The following ZNF277 variants were observed in gnomAD, a reference collection of about 807,000 sequenced individuals.
The protein encoded by ZNF277 is zinc finger protein 277.
ZNF277 carries 55 observed loss-of-function variants against 60.7 expected under a neutral mutation model. The observed-to-expected ratio is 0.91, with a 90% CI of 0.73 to 1.13. The LOEUF (loss-of-function observed/expected upper bound fraction) is 1.13. Ranked by LOEUF, ZNF277 falls within the 50% of genes most tolerant of loss-of-function variation. The pLI is 0.00. For synonymous variants in ZNF277, 178 were observed against 179.3 expected, an observed-to-expected ratio of 0.99 and a Z score of 0.06; for missense variants, 510 against 523.0, an observed-to-expected ratio of 0.98 and a Z score of 0.24.
intron 1 of ZNF277, among the ~76,000 whole-genome samples, chr7:112,207,436 G>A (rs1183129011): frequency 6.6e-6 from 1 of 152,288 alleles, no homozygotes. Context: ...CAGTCTCTGG[G>A]TCCTTAGAGA....
intron 4 of ZNF277, among the ~76,000 whole-genome samples, chr7:112,313,766 T>C (rs1386797351): frequency 6.6e-6 from 1 of 152,174 alleles, no homozygotes; most frequent in African/African-American, 2.4e-5. Context: ...CATTTTACTT[T>C]ATAAATGAAA....
intron 11 of ZNF277, among the ~76,000 whole-genome samples, chr7:112,341,856 C>G (rs1043028873): frequency 6.6e-6 from 1 of 152,168 alleles, no homozygotes; most frequent in African/African-American, 2.4e-5. Context: ...AGTTTTTCTC[C>G]TTCAGAAAAT....
intron 1 of ZNF277, among the ~76,000 whole-genome samples, 179 bp from the exon 2 acceptor site, chr7:112,286,694 A>G (rs981360971): frequency 1.3e-5 from 2 of 152,152 alleles, no homozygotes; most frequent in African/African-American, 4.8e-5. Flanking sequence ...TGGGCTACAA[A>G]CACTGTTTAA....
At chr7:112,310,778 G>A (rs1046851800) in intron 4 of ZNF277, among the ~76,000 whole-genome samples, 2 of 151,990 alleles carry the variant, frequency 1.3e-5, no homozygotes, top group Admixed American at 6.6e-5. Flanking sequence ...AGTGCCACTG[G>A]ACTCCTAGGC....
At chr7:112,312,192 A>T (rs1405082129) in intron 4 of ZNF277, among the ~76,000 whole-genome samples, 3 of 152,102 alleles carry the variant, frequency 2.0e-5, no homozygotes, top group African/African-American at 7.2e-5. Context: ...AGTCATTCAT[A>T]TACTTTGGAA....
At chr7:112,308,832 A>G (rs913401669) in intron 4 of ZNF277, among the ~76,000 whole-genome samples, 7 of 152,156 alleles carry the variant, frequency 4.6e-5, no homozygotes, top group Non-Finnish European at 8.8e-5. Context: ...AAGAGCCTTC[A>G]TAAGGAAATG....
intron 5 of ZNF277, among the ~76,000 whole-genome samples, chr7:112,321,910 C>G (rs1009798516): frequency 6.6e-6 from 1 of 152,084 alleles, no homozygotes; most frequent in African/African-American, 2.4e-5. Flanking sequence ...TCAAGAGACT[C>G]TCTTCATCTT....
intron 1 of ZNF277, among the ~76,000 whole-genome samples, chr7:112,220,755 A>AC (rs1475651735): frequency 6.6e-6 from 1 of 152,324 alleles, no homozygotes; most frequent in East Asian, 1.9e-4. Flanking sequence ...CTTAGCTCAC[A>AC]CCCGACCAAT....
chr7:112,211,110 G>C (rs1821735106), intron 1 of ZNF277, among the ~76,000 whole-genome samples: 1 of 152,176 alleles, frequency 6.6e-6, no homozygotes. Flanking sequence ...CTTATTATCT[G>C]ATGATTTTGG....
chr7:112,332,263 A>G (rs1793243800), intron 7 of ZNF277, among the ~76,000 whole-genome samples: 1 of 152,216 alleles, frequency 6.6e-6, no homozygotes, highest in Non-Finnish European at 1.5e-5. Flanking sequence ...TATAATCTGC[A>G]GGCACTATCC....
At chr7:112,308,194 C>T (rs1337338093) in intron 4 of ZNF277, among the ~76,000 whole-genome samples, 1 of 151,960 alleles carries the variant, frequency 6.6e-6, no homozygotes, top group Non-Finnish European at 1.5e-5. Context: ...CGTCTGCTAA[C>T]ACTTTACTTA....
chr7:112,308,657 C>G (rs922756759), intron 4 of ZNF277, among the ~76,000 whole-genome samples: 4 of 151,996 alleles, frequency 2.6e-5, no homozygotes, highest in African/African-American at 9.7e-5. Context: ...TTTTGAGTAA[C>G]AATTAAATGA....
chr7:112,314,104 A>C (rs1792789545), intron 4 of ZNF277, among the ~76,000 whole-genome samples: 1 of 152,120 alleles, frequency 6.6e-6, no homozygotes, highest in Non-Finnish European at 1.5e-5. Context: ...CTAATACAAA[A>C]ACAGTCTGGG....
chr7:112,236,677 C>T (rs750913503), intron 1 of ZNF277, among the ~76,000 whole-genome samples: 1 of 152,064 alleles, frequency 6.6e-6, no homozygotes, highest in African/African-American at 2.4e-5. Context: ...TAAAATTCTA[C>T]GAGTCCTCAT....
At chr7:112,238,894 G>A (rs1337796158) in intron 1 of ZNF277, among the ~76,000 whole-genome samples, 2 of 151,874 alleles carry the variant, frequency 1.3e-5, no homozygotes, top group Non-Finnish European at 1.5e-5. Flanking sequence ...GGCGCGTACC[G>A]CCCTGAACGT....
At chr7:112,285,553 G>A (rs1311061592) in intron 1 of ZNF277, among the ~76,000 whole-genome samples, 1 of 150,578 alleles carries the variant, frequency 6.6e-6, no homozygotes, top group Non-Finnish European at 1.5e-5. Context: ...TCCTGCCTCA[G>A]CCTCCCGAGT....
In ZNF277 at chr7:112,248,322, C is replaced by T. The variant is rs1791128375; in HGVS notation, c.92-38551C>T. On this transcript the variant is annotated intron_variant, in intron 1 of 11. Transcript: ENST00000361822. ...AATAGGGGGTGGGGGTTGAGGGGGG[C>T]AGTTCTTATATTTGGTTGGTTTTAT... is the stretch of plus-strand genomic sequence containing the variant. Among the ~76,000 whole-genome samples the T allele has an allele frequency of 2.7e-5, 4 of 146,228 alleles. 1 individual carries two copies. In the South Asian group the frequency reaches 8.7e-4, roughly 32 times the overall value.
intron 1 of ZNF277, among the ~76,000 whole-genome samples, chr7:112,282,113 G>A (rs1053376279): frequency 4.6e-5 from 7 of 152,236 alleles, no homozygotes; most frequent in Non-Finnish European, 8.8e-5. Context: ...TTACAGGCAT[G>A]AGCCACCACA....
intron 7 of ZNF277, among the ~76,000 whole-genome samples, chr7:112,335,639 A>AT (rs1793315324): frequency 6.6e-6 from 1 of 152,068 alleles, no homozygotes; most frequent in African/African-American, 2.4e-5. Context: ...CCTCAAGTGT[A>AT]TTTTTTTATT....
Sources: allele counts gnomAD v4.1 joint callset (sites outside exome capture counted in the v4.1 genomes callset), GRCh38; gene constraint gnomAD v4.1.1; transcripts MANE v1.5; gene names NCBI Gene and HGNC (gene_info 2026-07-23, HGNC 2026-07-21).